CYB5R4: variants seen among roughly 807,000 people sequenced by gnomAD.
The protein encoded by CYB5R4 is N-terminal cytochrome b5 and cytochrome b5 oxidoreductase domain-containing protein.
In CYB5R4, 55 loss-of-function variants were observed where a neutral mutation model predicts 70.2. The observed-to-expected ratio is 0.78, with a 90% CI of 0.63 to 0.98. The LOEUF is 0.98. CYB5R4 is among the 50% of genes least tolerant of loss of function. The pLI, the probability that CYB5R4 is intolerant of heterozygous loss-of-function variation, is 0.00. For missense variants in CYB5R4, 562 were observed against 612.6 expected (o/e 0.92, Z 0.87); for synonymous variants, 197 against 199.5 (o/e 0.99, Z 0.11).
chr6:83,915,948 T>A (rs561822307), intron 5 of CYB5R4, among the ~76,000 whole-genome samples: 4 of 152,306 alleles, frequency 2.6e-5, no homozygotes, highest in Middle Eastern at 3.4e-3. Flanking sequence ...ATGCATTCAG[T>A]CCACCTTGCA....
At chr6:83,912,273 T>C (rs967215172) in intron 4 of CYB5R4, among the ~76,000 whole-genome samples, 8 of 152,212 alleles carry the variant, frequency 5.3e-5, no homozygotes, top group Non-Finnish European at 7.3e-5. Context: ...TTATGTATGA[T>C]AAGCAGACTG....
At chr6:83,901,633 A>C (rs978023834) in intron 3 of CYB5R4, among the ~76,000 whole-genome samples, 15 of 151,654 alleles carry the variant, frequency 9.9e-5, no homozygotes, top group African/African-American at 3.2e-4. Flanking sequence ...ACATAGTCCC[A>C]TATTTCTTGG....
intron 4 of CYB5R4, among the ~76,000 whole-genome samples, chr6:83,912,903 C>A (rs2099464913): frequency 6.6e-6 from 1 of 152,086 alleles, no homozygotes; most frequent in Admixed American, 6.6e-5. Flanking sequence ...TGGGGGGGAA[C>A]TACTAATTTT....
intron 15 of CYB5R4, among the ~76,000 whole-genome samples, chr6:83,956,634 G>A (rs145889744): frequency 2.1e-3 from 327 of 152,288 alleles, no homozygotes; most frequent in African/African-American, 7.5e-3. Flanking sequence ...TGGCCTGGAA[G>A]AAGAAGATCT....
rs2099459910 is a variant in CYB5R4, at chr6:83,884,211, T to C, written c.230-9311T>C. Among the ~76,000 whole-genome samples, 5 of 151,956 alleles carry C rather than the reference T, an allele frequency of 3.3e-5. No homozygotes were observed. In the South Asian group the frequency reaches 1.0e-3, roughly 31 times the overall value. ...TATCTATTGATAATTATCTTAATTA[T>C]AGATAATATAGAGATTATCTCTTTG... On this transcript the variant is annotated intron_variant, in intron 2 of 15. Transcript: ENST00000369681.
rs758640849 is a variant in CYB5R4 at position 83,955,356 on chromosome 6, C to T, written c.1405C>T (p.His469Tyr). 2.5e-6 allele frequency: 4 copies of T among 1,613,864 alleles called. No homozygotes were observed. In the South Asian group the frequency reaches 4.4e-5, roughly 18 times the overall value. The change falls in exon 15 of 16, where the codon CAT becomes TAT. Residue 469 changes from histidine (H) to tyrosine (Y), a missense_variant. Coordinates refer to ENST00000369681, the MANE Select transcript of CYB5R4 (RefSeq NM_016230.4). Reference sequence around the variant, plus strand: ...TTCTGAATGGAATGGCAAACAGGGACATATTTCACCAGCTCTTCTTTCTGA... The same window carrying T: ...TTCTGAATGGAATGGCAAACAGGGATATATTTCACCAGCTCTTCTTTCTGA... ...PISEWNGKQG[H>Y]ISPALLSEFL...
intron 14 of CYB5R4, among the ~76,000 whole-genome samples, chr6:83,949,785 A>T (rs368724230): frequency 6.6e-6 from 1 of 152,186 alleles, no homozygotes; most frequent in Admixed American, 6.6e-5. Flanking sequence ...GAAAGTTATT[A>T]ATCTCTTGGC....
Position 83,898,395 on chromosome 6 carries a change from C to T in CYB5R4, c.330+4773C>T, listed in dbSNP as rs898272317. On this transcript the variant is annotated intron_variant, in intron 3 of 15. Coordinates refer to ENST00000369681, the MANE Select transcript of CYB5R4 (RefSeq NM_016230.4). Reference sequence around the variant, plus strand: ...TGTAGTATAGTTTGAAGTCAGGTAGCATGATGCCTCCAGCTTTGTTCTTTT... The same window carrying T: ...TGTAGTATAGTTTGAAGTCAGGTAGTATGATGCCTCCAGCTTTGTTCTTTT... Among the ~76,000 whole-genome samples the T allele has an allele frequency of 4.6e-5, 7 of 152,052 alleles. 1 individual carries two copies. Among genetic ancestry groups the T allele is most frequent in the African/African-American group, 1.5e-4 (6 of 41,358 alleles).
intron 2 of CYB5R4, among the ~76,000 whole-genome samples, chr6:83,869,907 G>A (rs1375726101): frequency 6.6e-6 from 1 of 152,002 alleles, no homozygotes; most frequent in African/African-American, 2.4e-5. Flanking sequence ...TGTTTTTACT[G>A]TTTAAAATGG....
At chr6:83,915,997 A>G (rs779759447) in intron 5 of CYB5R4, among the ~76,000 whole-genome samples, 2 of 152,164 alleles carry the variant, frequency 1.3e-5, no homozygotes, top group Admixed American at 6.5e-5. Flanking sequence ...TTCACCCCGT[A>G]TTCTTTCAAC....
At chr6:83,921,678 G>T (rs1352919058) in intron 8 of CYB5R4, among the ~76,000 whole-genome samples, 1 of 152,012 alleles carries the variant, frequency 6.6e-6, no homozygotes, top group Non-Finnish European at 1.5e-5. Flanking sequence ...AGAAAAAAGT[G>T]GTAGAAACCA....
chr6:83,905,412 G>A (rs952148183), intron 3 of CYB5R4, among the ~76,000 whole-genome samples: 1 of 152,110 alleles, frequency 6.6e-6, no homozygotes, highest in Admixed American at 6.5e-5. Context: ...CTGTGATGTT[G>A]GTGGGGTAGG....
Position 83,934,594 on chromosome 6 carries a change from G to A in CYB5R4, c.815-1G>A, listed in dbSNP as rs1310568012. On this transcript the variant is annotated splice_acceptor_variant, in intron 10 of 15. Transcript: ENST00000369681. LOFTEE classifies it high-confidence loss of function. ...ATAAGAGAAAATGAATCACTTTTTA[G>A]GTTTGTACTACAGAAAGTGCCAGTT... The A allele has an allele frequency of 6.2e-7, 1 of 1,602,840 alleles. No individual in the cohort carries two copies. The highest frequency in any genetic ancestry group is 1.7e-5 in the Admixed American group (1 of 59,144).
At chr6:83,869,727 G>A (rs1348096712) in intron 2 of CYB5R4, among the ~76,000 whole-genome samples, 1 of 152,032 alleles carries the variant, frequency 6.6e-6, no homozygotes, top group Non-Finnish European at 1.5e-5. Flanking sequence ...GGAGGCTGAA[G>A]CAGGAGAATT....
At chr6:83,922,937 A>G (rs2099466632) in intron 9 of CYB5R4, among the ~76,000 whole-genome samples, 1 of 151,608 alleles carries the variant, frequency 6.6e-6, no homozygotes, top group Non-Finnish European at 1.5e-5. Context: ...CACAGTACAC[A>G]CACCACCACA....
intron 2 of CYB5R4, among the ~76,000 whole-genome samples, chr6:83,887,809 A>G (rs1219427372): frequency 1.3e-5 from 2 of 152,018 alleles, no homozygotes; most frequent in Non-Finnish European, 2.9e-5. Context: ...GGATAGATGG[A>G]TGGATGGATG....
chr6:83,864,379 T>C, intron 2 of CYB5R4, 51 bp downstream of exon 2: 1 of 1,516,836 alleles, frequency 6.6e-7, no homozygotes. Flanking sequence ...AACTTTCCAA[T>C]TATGATGTTA....
At chr6:83,919,110 G>C (rs1035147527) in intron 6 of CYB5R4, among the ~76,000 whole-genome samples, 1 of 152,052 alleles carries the variant, frequency 6.6e-6, no homozygotes. Flanking sequence ...GATAAAAGAA[G>C]ATTTTAGTAA....
intron 14 of CYB5R4, among the ~76,000 whole-genome samples, chr6:83,948,381 A>AC (rs1562846386): frequency 6.6e-6 from 1 of 152,140 alleles, no homozygotes; most frequent in African/African-American, 2.4e-5. Flanking sequence ...GTGGGGGCCA[A>AC]AGGGAGGGAT....
Sources: allele counts gnomAD v4.1 joint callset (sites outside exome capture counted in the v4.1 genomes callset), GRCh38; gene constraint gnomAD v4.1.1; transcripts MANE v1.5; gene names NCBI Gene and HGNC (gene_info 2026-07-23, HGNC 2026-07-21).